Variants in MTAP observed in about 807,000 individuals in gnomAD.
MTAP encodes the protein S-methyl-5'-thioadenosine phosphorylase.
In MTAP, 33 loss-of-function variants were observed where a neutral mutation model predicts 33.6. The ratio of observed to expected loss-of-function variants is 0.98; its 90% CI spans 0.74 to 1.31. The LOEUF (loss-of-function observed/expected upper bound fraction) is 1.31. Ranked by LOEUF, MTAP falls within the 40% of genes most tolerant of loss-of-function variation. The probability of loss-of-function intolerance (pLI) is 0.00; values close to 1 mark genes in which losing one functional copy is unlikely to be tolerated. For synonymous variants in MTAP, 148 were observed against 125.7 expected (o/e 1.18, Z -1.19); for missense variants, 367 against 360.0 (o/e 1.02, Z -0.16).
At chr9:21,877,309 A>T (rs1005576222) in intron 1 of MTAP, among the ~76,000 whole-genome samples, 1 of 152,072 alleles carries the variant, frequency 6.6e-6, no homozygotes, top group Non-Finnish European at 1.5e-5. Context: ...GCAAACAGGG[A>T]TAGTTTGACT....
At chr9:21,915,632 A>G (rs903063129) in intron 1 of MTAP, among the ~76,000 whole-genome samples, 1 of 152,164 alleles carries the variant, frequency 6.6e-6, no homozygotes, top group African/African-American at 2.4e-5. Flanking sequence ...CTCTGAGTAT[A>G]CTTATTTCAA....
Position 21,880,523 on chromosome 9 carries a change from G to A in MTAP, c.147+25653G>A, listed in dbSNP as rs576998097. Among the ~76,000 whole-genome samples, 7 of 151,912 alleles carry A rather than the reference G, an allele frequency of 4.6e-5. No homozygotes were observed. The East Asian group carries it at 1.4e-3, about 29-fold the overall frequency. On this transcript the variant is annotated intron_variant, in intron 1 of 1. Transcript: ENST00000577563. ...CAAAATCCTGTAGATTCCACTAAACGACAACTAGAACTAATAAACAAGCTC... is the reference window on the plus strand; with the variant it reads ...CAAAATCCTGTAGATTCCACTAAACAACAACTAGAACTAATAAACAAGCTC...
At chr9:21,840,844 C>T (rs924780829) in intron 5 of MTAP, among the ~76,000 whole-genome samples, 3 of 152,146 alleles carry the variant, frequency 2.0e-5, no homozygotes, top group African/African-American at 7.2e-5. Flanking sequence ...GGGTGAGGTC[C>T]AAAGGCCATG....
chr9:21,814,626 G>A (rs910433694), intron 1 of MTAP, among the ~76,000 whole-genome samples: 6 of 151,912 alleles, frequency 3.9e-5, no homozygotes, highest in African/African-American at 1.5e-4. Flanking sequence ...ACTCTCAGAG[G>A]ATAGTGCTAG....
exon 8 of MTAP, chr9:21,936,679 T>A (rs978023741): frequency 6.6e-6 from 1 of 152,252 alleles, no homozygotes; most frequent in Non-Finnish European, 1.5e-5. Context: ...TTTATAGATT[T>A]ACCATTTTAT....
chr9:21,896,552 G>A (rs1480148061), intron 1 of MTAP, among the ~76,000 whole-genome samples: 1 of 152,082 alleles, frequency 6.6e-6, no homozygotes, highest in African/African-American at 2.4e-5. Flanking sequence ...TGATAAAGGG[G>A]ATATCACCAT....
downstream of MTAP, among the ~76,000 whole-genome samples, chr9:21,869,752 T>G (rs1318626504): frequency 6.6e-6 from 1 of 152,216 alleles, no homozygotes; most frequent in Non-Finnish European, 1.5e-5. Context: ...CAGCTACTGC[T>G]TCCAACCTAG....
chr9:21,929,937 A>G, intron 1 of MTAP: 1 of 424,524 alleles, frequency 2.4e-6, no homozygotes, highest in Non-Finnish European at 4.7e-6. Context: ...GATGGAACAT[A>G]CACCGAAAAC....
intron 1 of MTAP, among the ~76,000 whole-genome samples, chr9:21,899,529 G>A (rs780177794): frequency 3.3e-5 from 5 of 152,134 alleles, no homozygotes; most frequent in African/African-American, 1.2e-4. Flanking sequence ...AGTTCAGCAT[G>A]GCTGGGGAGG....
chr9:21,930,774 TG>T, intron 1 of MTAP: 1 of 716,468 alleles, frequency 1.4e-6, no homozygotes, highest in South Asian at 1.6e-5. Flanking sequence ...ATGTTGCTTT[TG>T]GGTAAATCAA....
chr9:21,890,171 A>G (rs2118744264), intron 1 of MTAP, among the ~76,000 whole-genome samples: 1 of 152,108 alleles, frequency 6.6e-6, no homozygotes, highest in African/African-American at 2.4e-5. Flanking sequence ...TTATGTTCCC[A>G]GGTGGATTAT....
intron 6 of MTAP, among the ~76,000 whole-genome samples, chr9:21,858,663 AG>A (rs1825688372): frequency 6.6e-6 from 1 of 152,196 alleles, no homozygotes; most frequent in Non-Finnish European, 1.5e-5. Context: ...GCCTCCCACC[AG>A]GCCCCACCTC....
At chr9:21,833,046 G>A (rs528514142) in intron 4 of MTAP, among the ~76,000 whole-genome samples, 1 of 152,252 alleles carries the variant, frequency 6.6e-6, no homozygotes, top group South Asian at 2.1e-4. Context: ...TATGGTACCT[G>A]TTTATTGAGC....
At chr9:21,909,396 A>G (rs1437977207) in intron 1 of MTAP, among the ~76,000 whole-genome samples, 1 of 152,138 alleles carries the variant, frequency 6.6e-6, no homozygotes. Flanking sequence ...GAATGTATAT[A>G]GTCCATATAG....
intron 1 of MTAP, chr9:21,803,004 A>ACACACACACACACACACACCAC: frequency 9.8e-7 from 1 of 1,024,336 alleles, no homozygotes. Context: ...ACACACACAC[A>ACACACACACACACACACACCAC]CACACACACA....
chr9:21,816,136 A>C (rs1004908672), intron 2 of MTAP, among the ~76,000 whole-genome samples: 1 of 152,066 alleles, frequency 6.6e-6, no homozygotes, highest in Non-Finnish European at 1.5e-5. Context: ...AGATCTCTCT[A>C]TCTGGCTGTC....
intron 1 of MTAP, among the ~76,000 whole-genome samples, chr9:21,905,599 A>C (rs1344056926): frequency 6.6e-6 from 1 of 152,036 alleles, no homozygotes; most frequent in Admixed American, 6.5e-5. Context: ...TGTAGCAAAC[A>C]CTGTGTTAAG....
At chr9:21,837,282 C>T (rs1395707129) in intron 4 of MTAP, among the ~76,000 whole-genome samples, 2 of 152,048 alleles carry the variant, frequency 1.3e-5, no homozygotes, top group African/African-American at 4.8e-5. Context: ...GGGTCACTGG[C>T]ATGAAAAAAT....
At chr9:21,839,708 A>G (rs993260066) in intron 5 of MTAP, among the ~76,000 whole-genome samples, 1 of 152,256 alleles carries the variant, frequency 6.6e-6, no homozygotes, top group Non-Finnish European at 1.5e-5. Flanking sequence ...GGTAATTTTC[A>G]CTTTTAACAT....
Sources: allele counts gnomAD v4.1 joint callset (sites outside exome capture counted in the v4.1 genomes callset), GRCh38; gene constraint gnomAD v4.1.1; transcripts MANE v1.5; gene names NCBI Gene and HGNC (gene_info 2026-07-23, HGNC 2026-07-21).